Variants in RPAP1 observed in about 807,000 individuals in gnomAD.
RPAP1 encodes the protein RNA polymerase II-associated protein 1.
A neutral mutation model predicts 142.4 loss-of-function variants in RPAP1; 109 were observed. The observed-to-expected ratio is 0.77, with a 90% CI of 0.66 to 0.90. The LOEUF is 0.90. Among genes scored for constraint, RPAP1 ranks in the 40% least tolerant of loss-of-function variants. The pLI is 0.00. For missense variants in RPAP1, 1,546 were observed against 1,751.7 expected, an observed-to-expected ratio of 0.88 and a Z score of 2.10; for synonymous variants, 704 against 738.9, an observed-to-expected ratio of 0.95 and a Z score of 0.77.
rs755165863 is a variant in RPAP1 at position 41,517,816 on chromosome 15, T to C, written c.4014A>G (p.Thr1338=). ...KAARRSMLQK[T]WLLADEGLRQ... ...ACCCTACCTCATCTGCCAGCAGCCA[T>C]GTTTTCTGCAGCATACTCCTGCGGG... Residue 1338 remains threonine (T), a synonymous_variant, in exon 24 of 25, where the codon ACA becomes ACG. Coordinates refer to ENST00000304330, the MANE Select transcript of RPAP1 (RefSeq NM_015540.4). The C allele has an allele frequency of 4.3e-6, 7 of 1,614,156 alleles. No individual in the cohort carries two copies. Among genetic ancestry groups the C allele is most frequent in the Non-Finnish European group, 5.1e-6 (6 of 1,180,026 alleles).
intron 24 of RPAP1, 46 bp from the exon 25 acceptor site, chr15:41,517,737 T>C (rs768517241): frequency 6.2e-7 from 1 of 1,613,998 alleles, no homozygotes; most frequent in South Asian, 1.1e-5. Context: ...TGAGATCCTG[T>C]TGTGGTCTCT....
At chr15:41,526,781 G>C (rs554059081) in intron 14 of RPAP1, 117 bp downstream of exon 14, 42 of 1,041,114 alleles carry the variant, frequency 4.0e-5, no homozygotes, top group Non-Finnish European at 5.5e-5. Context: ...TAAGCAACTG[G>C]ATCAGAGAGG....
At chr15:41,522,323 C>T in intron 19 of RPAP1, 73 bp from the exon 20 acceptor site, 2 of 1,430,952 alleles carry the variant, frequency 1.4e-6, no homozygotes, top group Non-Finnish European at 1.9e-6. Context: ...GGTGGCTGCC[C>T]CTCTCCAGAC....
Position 41,527,269 on chromosome 15 carries a change from C to T in RPAP1, c.1644G>A (p.Leu548=). The T allele has an allele frequency of 2.5e-6, 4 of 1,614,222 alleles. No individual in the cohort carries two copies. The highest frequency in any genetic ancestry group is 3.4e-6 in the Non-Finnish European group (4 of 1,180,046). Residue 548 remains leucine, a synonymous_variant, in exon 13 of 25, where the codon CTG becomes CTA. Coordinates refer to ENST00000304330, the MANE Select transcript of RPAP1 (RefSeq NM_015540.4). ...GLLATSLLPR[L]RYVLEVTYPG... ...GGTATGTCACCTCCAGCACGTAGCG[C>T]AGCCGAGGCAGCAGGCTGGTAGCCA...
rs2051868655 is a variant in RPAP1 at position 41,532,976 on chromosome 15, C to A, written c.763+1738G>T. Among the ~76,000 whole-genome samples the A allele has an allele frequency of 1.9e-4, 6 of 31,946 alleles. No homozygotes were observed. In the Admixed American group the frequency reaches 2.2e-3, roughly 12 times the overall value. 21.0% of individuals were successfully genotyped at this position (31,946 alleles called of 152,430 possible). ...CCAGGACAACAGAGCGAGACTCCGT[C>A]TCAAAAAAAAAAAAAAAAAAAAAAA... On this transcript the variant is annotated intron_variant, in intron 6 of 24. Coordinates refer to ENST00000304330, the MANE Select transcript of RPAP1 (RefSeq NM_015540.4).
intron 14 of RPAP1, among the ~76,000 whole-genome samples, chr15:41,526,265 A>C (rs1430831436): frequency 6.6e-6 from 1 of 152,144 alleles, no homozygotes; most frequent in Non-Finnish European, 1.5e-5. Context: ...AGTATTTTTG[A>C]GACGGGGTCT....
At chr15:41,523,202 G>C in intron 18 of RPAP1, 43 bp downstream of exon 18, 1 of 1,339,878 alleles carries the variant, frequency 7.5e-7, no homozygotes, top group East Asian at 2.4e-5. Context: ...GAAAGAAATT[G>C]CCTCCTCCCC....
At chr15:41,528,909 G>C (rs534728399) in intron 9 of RPAP1, among the ~76,000 whole-genome samples, 55 of 152,310 alleles carry the variant, frequency 3.6e-4, no homozygotes, top group African/African-American at 1.3e-3. Flanking sequence ...GACATGGAAT[G>C]GCAGGGGGGC....
Position 41,525,082 on chromosome 15 carries a change from A to C in RPAP1, c.1984T>G (p.Leu662Val). The C allele has an allele frequency of 6.2e-7, 1 of 1,614,030 alleles. No homozygotes were observed. Among genetic ancestry groups the C allele is most frequent in the Non-Finnish European group, 8.5e-7 (1 of 1,179,972 alleles). Residue 662 changes from leucine to valine, a missense_variant, in exon 15 of 25, where the codon TTG becomes GTG. Coordinates refer to ENST00000304330, the MANE Select transcript of RPAP1 (RefSeq NM_015540.4). The stretch of plus-strand genomic sequence containing the variant: ...AGCATCTCAGCTTCCTCTGGGGGCA[A>C]GGCCAGTTCTTGGGGAGCCTCAGCT... ...IIAEAPQELA[L>V]PPEEAEMLST... is the part of the protein sequence containing the mutation.
chr15:41,543,366 C>A (rs1267393160), intron 1 of RPAP1, among the ~76,000 whole-genome samples: 3 of 151,890 alleles, frequency 2.0e-5, no homozygotes, highest in African/African-American at 7.3e-5. Flanking sequence ...CCTGCCACCA[C>A]GCCCGGCTAA....
At chr15:41,532,463 C>G (rs1369518115) in intron 6 of RPAP1, among the ~76,000 whole-genome samples, 1 of 152,114 alleles carries the variant, frequency 6.6e-6, no homozygotes, top group African/African-American at 2.4e-5. Flanking sequence ...ATACTGAGCC[C>G]TAACACGTAT....
chr15:41,523,306 C>G lies in RPAP1; in HGVS notation c.2485G>C (p.Glu829Gln), dbSNP rs756152208. 1.9e-6 allele frequency: 3 copies of G among 1,612,540 alleles called. No homozygotes were observed. Among genetic ancestry groups the G allele is most frequent in the Non-Finnish European group, 2.5e-6 (3 of 1,179,330 alleles). The change falls in exon 18 of 25, where the codon GAG becomes CAG. Residue 829 changes from glutamate to glutamine, a missense_variant. By Grantham distance (29) the Glu-to-Gln change is conservative. This residue lies in a region of RPAP1 where 1,333 missense variants were observed against 1,486.6 expected (regional missense o/e 0.90). Transcript: ENST00000304330. ...CTCAGCAGTGGCAGCAGCAGCTCCT[C>G]TGACAGGCGCTGCATGTCCTGGAGC... ...DWLQDMQRLS[E>Q]ELLLPLLSQP...
At chr15:41,518,967 G>A (rs2051698091) in intron 22 of RPAP1, among the ~76,000 whole-genome samples, 3 of 152,178 alleles carry the variant, frequency 2.0e-5, no homozygotes. Flanking sequence ...ATAGCTCACT[G>A]GCAGCCTCAA....
At chr15:41,525,602 G>A (rs1240617610) in intron 14 of RPAP1, among the ~76,000 whole-genome samples, 1 of 151,928 alleles carries the variant, frequency 6.6e-6, no homozygotes, top group Non-Finnish European at 1.5e-5. Flanking sequence ...CTTCCAAAAC[G>A]TTGGGATTAC....
chr15:41,530,041 C>T (rs1447456012), intron 7 of RPAP1, 62 bp from the exon 8 acceptor site: 1 of 1,214,526 alleles, frequency 8.2e-7, no homozygotes, highest in African/African-American at 1.5e-5. Flanking sequence ...ACAGGGGTCC[C>T]CACCATCACC....
chr15:41,524,883 T>C, intron 15 of RPAP1, 108 bp downstream of exon 15: 11 of 1,192,004 alleles, frequency 9.2e-6, no homozygotes, highest in South Asian at 5.7e-5. Flanking sequence ...CACTCATTCT[T>C]ATCCTTCCTC....
In RPAP1 at chr15:41,522,896, C is replaced by A; in HGVS notation, c.2611G>T (p.Val871Leu). The change falls in exon 19 of 25, where the codon GTG becomes TTG. Residue 871 changes from valine (V) to leucine (L), a missense_variant. Physicochemically the swap from Val to Leu is conservative, Grantham distance 32. Transcript: ENST00000304330. ...CAGCCTCCCGAGCAGCCCAGTGACA[C>A]GAGGCTGGGGGGAGCTTCAAGGGCT... ...VPALEAPPSL[V>L]SLGCSGGCPR... The A allele has an allele frequency of 1.9e-6, 3 of 1,574,052 alleles. No homozygotes were observed. The highest frequency in any genetic ancestry group is 2.6e-6 in the Non-Finnish European group (3 of 1,167,940).
intron 12 of RPAP1, 25 bp downstream of exon 12, chr15:41,527,398 G>A (rs1383863660): frequency 6.2e-7 from 1 of 1,613,598 alleles, no homozygotes; most frequent in African/African-American, 1.3e-5. Context: ...TGGGCCATGG[G>A]ATGGGAAAGA....
intron 5 of RPAP1, among the ~76,000 whole-genome samples, chr15:41,535,184 CA>C (rs944980220): frequency 2.0e-5 from 3 of 152,206 alleles, no homozygotes; most frequent in African/African-American, 7.2e-5. Context: ...GATATCTAGG[CA>C]GGCATCTATA....
Sources: allele counts gnomAD v4.1 joint callset (sites outside exome capture counted in the v4.1 genomes callset), GRCh38; gene constraint gnomAD v4.1.1; regional missense constraint gnomAD v4.1.1; transcripts MANE v1.5; gene names NCBI Gene and HGNC (gene_info 2026-07-23, HGNC 2026-07-21).